The following GLRA3 variants were observed in gnomAD, a reference collection of about 807,000 sequenced individuals.
GLRA3 encodes glycine receptor alpha 3, also known as glycine receptor subunit alpha-3.
A neutral mutation model predicts 60.4 loss-of-function variants in GLRA3; 44 were observed. The observed-to-expected ratio is 0.73, with a 90% CI of 0.57 to 0.94. The LOEUF is 0.94. Ranked by LOEUF, GLRA3 falls within the 40% of genes least tolerant of loss-of-function variation. The pLI is 0.00. For synonymous variants in GLRA3, 223 were observed against 192.9 expected (o/e 1.16, Z -1.29); for missense variants, 508 against 564.6 (o/e 0.90, Z 1.02).
In GLRA3 at chr4:174,826,401, G is replaced by A. The variant is rs554712535; in HGVS notation, c.71+2340C>T. 3.9e-5 allele frequency among the ~76,000 whole-genome samples: 6 copies of A among 152,254 alleles called. No homozygotes were observed. In the South Asian group the frequency reaches 1.2e-3, roughly 32 times the overall value. Reference sequence around the variant, plus strand: ...TAAGTCAGGAGAGTGATTACCTTTGGCCAAGGTAGTGCCTTGGAAAGGATT... The same window carrying A: ...TAAGTCAGGAGAGTGATTACCTTTGACCAAGGTAGTGCCTTGGAAAGGATT... On this transcript the variant is annotated intron_variant, in intron 1 of 9. Coordinates refer to ENST00000274093, the MANE Select transcript of GLRA3 (RefSeq NM_006529.4).
Position 174,791,194 on chromosome 4 carries a change from G to A in GLRA3, c.72-2251C>T, listed in dbSNP as rs542289514. Among the ~76,000 whole-genome samples the A allele has an allele frequency of 4.5e-4, 68 of 152,148 alleles. No homozygotes were observed. The South Asian group carries it at 7.7e-3, about 17-fold the overall frequency. ...AGGATATTTATCCTTATAAAAAGGA[G>A]GCAGAATTATATTTGATGACAGACA... On this transcript the variant is annotated intron_variant, in intron 1 of 9. Transcript: ENST00000274093.
chr4:174,723,924 C>T (rs1176905055), intron 4 of GLRA3, among the ~76,000 whole-genome samples: 3 of 151,718 alleles, frequency 2.0e-5, no homozygotes, highest in African/African-American at 7.3e-5. Context: ...ATGTACAGTT[C>T]CCCTTTATTC....
At chr4:174,671,811 A>G (rs1733918509) in intron 7 of GLRA3, among the ~76,000 whole-genome samples, 1 of 151,950 alleles carries the variant, frequency 6.6e-6, no homozygotes, top group South Asian at 2.1e-4. Flanking sequence ...CACCACGCCC[A>G]GCTAATTTTT....
chr4:174,697,416 G>C (rs917475603), intron 5 of GLRA3, among the ~76,000 whole-genome samples: 3 of 152,178 alleles, frequency 2.0e-5, no homozygotes, highest in Admixed American at 2.0e-4. Flanking sequence ...ATTGCTAGGA[G>C]AAATATTGCT....
intron 6 of GLRA3, among the ~76,000 whole-genome samples, chr4:174,679,494 A>T (rs1579433001): frequency 6.6e-6 from 1 of 152,270 alleles, no homozygotes; most frequent in East Asian, 1.9e-4. Context: ...AGAGTATAGG[A>T]GTTCCTTTAA....
chr4:174,654,846 C>T (rs558121990), intron 9 of GLRA3, among the ~76,000 whole-genome samples: 6 of 152,048 alleles, frequency 3.9e-5, no homozygotes, highest in African/African-American at 7.2e-5. Flanking sequence ...TGGTGCAGTG[C>T]GTAATCAGCA....
chr4:174,715,119 C>A (rs1052376366), intron 5 of GLRA3, among the ~76,000 whole-genome samples: 29 of 152,184 alleles, frequency 1.9e-4, no homozygotes, highest in African/African-American at 7.0e-4. Context: ...ATAACAATAT[C>A]TTTGTTGTCA....
intron 3 of GLRA3, among the ~76,000 whole-genome samples, chr4:174,732,085 A>G (rs543343017): frequency 6.6e-6 from 1 of 152,360 alleles, no homozygotes; most frequent in South Asian, 2.1e-4. Context: ...GGCCAGGTGC[A>G]GTGGCTTATG....
chr4:174,656,660 A>C, intron 9 of GLRA3, 83 bp downstream of exon 9: 1 of 713,036 alleles, frequency 1.4e-6, no homozygotes, highest in South Asian at 1.7e-5. Flanking sequence ...CCCACCAAAC[A>C]CTGCCTTGGT....
chr4:174,699,655 T>C (rs1231701156), intron 5 of GLRA3, among the ~76,000 whole-genome samples: 1 of 152,142 alleles, frequency 6.6e-6, no homozygotes, highest in Non-Finnish European at 1.5e-5. Flanking sequence ...AAGGATCACT[T>C]AAGAAGTATT....
intron 1 of GLRA3, among the ~76,000 whole-genome samples, chr4:174,801,464 A>C (rs1312363258): frequency 6.6e-6 from 1 of 152,062 alleles, no homozygotes; most frequent in Non-Finnish European, 1.5e-5. Flanking sequence ...CATCTAAATC[A>C]AACTCTTGTC....
intron 1 of GLRA3, among the ~76,000 whole-genome samples, chr4:174,812,528 T>C (rs1740312721): frequency 6.6e-6 from 1 of 151,650 alleles, no homozygotes; most frequent in South Asian, 2.1e-4. Context: ...AGAGAGAAAA[T>C]GGCATAGAAC....
intron 7 of GLRA3, among the ~76,000 whole-genome samples, chr4:174,664,537 A>T (rs1222092379): frequency 6.6e-6 from 1 of 152,132 alleles, no homozygotes. Context: ...CTCTTTTCAA[A>T]GATTCAGCCC....
intron 1 of GLRA3, among the ~76,000 whole-genome samples, chr4:174,805,345 T>G (rs1267593688): frequency 6.6e-6 from 1 of 152,102 alleles, no homozygotes; most frequent in Non-Finnish European, 1.5e-5. Context: ...TGTGCATGAA[T>G]TTTGTGGTTA....
At chr4:174,824,509 G>C (rs551373237) in intron 1 of GLRA3, among the ~76,000 whole-genome samples, 1 of 152,228 alleles carries the variant, frequency 6.6e-6, no homozygotes, top group African/African-American at 2.4e-5. Context: ...AAGCAATGCT[G>C]TGACTCCTCC....
intron 3 of GLRA3, among the ~76,000 whole-genome samples, chr4:174,747,399 A>T (rs1246424372): frequency 6.6e-6 from 1 of 152,218 alleles, no homozygotes; most frequent in Non-Finnish European, 1.5e-5. Context: ...GGTGAGACAG[A>T]TTATACAGGG....
intron 7 of GLRA3, among the ~76,000 whole-genome samples, chr4:174,665,721 C>G (rs1360338050): frequency 6.6e-6 from 1 of 152,102 alleles, no homozygotes; most frequent in East Asian, 1.9e-4. Flanking sequence ...TGCTTTTAGG[C>G]TGTTACATTC....
chr4:174,755,673 G>C (rs1050840602), intron 3 of GLRA3, among the ~76,000 whole-genome samples: 2 of 151,938 alleles, frequency 1.3e-5, no homozygotes, highest in Admixed American at 6.6e-5. Context: ...AAGTATAAGA[G>C]ATAGAAACAC....
intron 3 of GLRA3, among the ~76,000 whole-genome samples, chr4:174,732,347 C>A (rs1736585500): frequency 6.7e-6 from 1 of 150,124 alleles, no homozygotes; most frequent in Non-Finnish European, 1.5e-5. Context: ...GAGCGAGACT[C>A]CGACTCAAAA....
Sources: allele counts gnomAD v4.1 joint callset (sites outside exome capture counted in the v4.1 genomes callset), GRCh38; gene constraint gnomAD v4.1.1; transcripts MANE v1.5; gene names NCBI Gene and HGNC (gene_info 2026-07-23, HGNC 2026-07-21).